The following ALMS1 variants were observed in gnomAD, a reference collection of about 807,000 sequenced individuals.
ALMS1 encodes ALMS1 centrosome and basal body associated protein, also known as centrosome-associated protein ALMS1.
Under a neutral mutation model 352.2 loss-of-function variants are expected in ALMS1, and 271 were observed. The ratio of observed to expected loss-of-function variants is 0.77; its 90% CI spans 0.70 to 0.85. The LOEUF (loss-of-function observed/expected upper bound fraction) is 0.85, where lower values mean the gene tolerates loss of function less well. Among genes scored for constraint, ALMS1 ranks in the 40% least tolerant of loss-of-function variants. The probability of loss-of-function intolerance (pLI) is 0.00; values close to 1 mark genes in which losing one functional copy is unlikely to be tolerated. For synonymous variants in ALMS1, 1,865 were observed against 1,761.2 expected (o/e 1.06, Z -1.48); for missense variants, 5,445 against 4,870.7 (o/e 1.12, Z -3.51).
At chr2:73,430,928 T>TA (rs1437575842) in intron 6 of ALMS1, among the ~76,000 whole-genome samples, 2 of 152,046 alleles carry the variant, frequency 1.3e-5, no homozygotes, top group Admixed American at 6.6e-5. Flanking sequence ...TATGTATATA[T>TA]GTGTATATAT....
At chr2:73,409,362 C>T (rs1671033053) in intron 2 of ALMS1, among the ~76,000 whole-genome samples, 1 of 151,996 alleles carries the variant, frequency 6.6e-6, no homozygotes, top group Non-Finnish European at 1.5e-5. Flanking sequence ...ATCCTCTTGC[C>T]TCGGCCTCCT....
rs1491137264 is a variant in ALMS1, at chr2:73,385,912, AGG to A, written c.45_46del (p.Glu16GlyfsTer110). 1.7e-6 allele frequency: 1 copy of A among 605,812 alleles called. No homozygotes were observed. Among genetic ancestry groups the A allele is most frequent in the African/African-American group, 2.2e-5 (1 of 44,666 alleles). 37.5% of individuals were successfully genotyped at this position (605,812 alleles called of 1,614,324 possible). A position where few individuals can be genotyped will look rare whatever the true frequency, so the allele number is the denominator to read the frequency against. ...CCATGGCCGGGCGAGCTGGAGGAGG[AGG>A]AGGAGGAGGAGGAGGAGGAGGAGGA... On this transcript the variant is annotated frameshift_variant, in exon 1 of 23. Coordinates refer to ENST00000613296, the MANE Select transcript of ALMS1 (RefSeq NM_001378454.1). LOFTEE classifies it high-confidence loss of function.
At chr2:73,457,296 A>G (rs1213444904) in intron 9 of ALMS1, 1 of 152,158 alleles carries the variant, frequency 6.6e-6, no homozygotes, top group African/African-American at 2.4e-5. Context: ...CAGTGGCATG[A>G]TCTTGGCTCA....
rs547582137 is a variant in ALMS1, at chr2:73,465,109, A to C, written c.7674+9814A>C. The stretch of plus-strand genomic sequence containing the variant: ...TGCCATCCCCATCAAGCTACCGGTG[A>C]CTTTCTTCACAGAATTGGAAGAAAC... On this transcript the variant is annotated intron_variant, in intron 9 of 22. Coordinates refer to ENST00000613296, the MANE Select transcript of ALMS1 (RefSeq NM_001378454.1). 2.2e-3 allele frequency among the ~76,000 whole-genome samples: 331 copies of C among 147,414 alleles called. 1 individual carries two copies. Among genetic ancestry groups the C allele is most frequent in the African/African-American group, 8.1e-3 (309 of 38,108 alleles).
chr2:73,414,473 G>GTTTTTTTTTTTTTTGTTTTTTTTTTT (rs1671141522), intron 2 of ALMS1, among the ~76,000 whole-genome samples: 1 of 66,416 alleles, frequency 1.5e-5, no homozygotes, highest in African/African-American at 4.3e-5. Context: ...CTTTTTTTCC[G>GTTTTTTTTTTTTTTGTTTTTTTTTTT]TTTTTTTTTT....
intron 13 of ALMS1, 42 bp downstream of exon 13, chr2:73,550,479 C>G: frequency 6.2e-7 from 1 of 1,604,214 alleles, no homozygotes; most frequent in South Asian, 1.1e-5. Context: ...TTTTTCTCCC[C>G]TTTTCATCCT....
chr2:73,448,471 T>C lies in ALMS1; in HGVS notation c.1944T>C (p.Val648=). The C allele has an allele frequency of 6.2e-7, 1 of 1,613,168 alleles. No individual in the cohort carries two copies. The highest frequency in any genetic ancestry group is 8.5e-7 in the Non-Finnish European group (1 of 1,179,792). The stretch of plus-strand genomic sequence containing the variant: ...ACTTAACCGAAGAGCCTTTGGAAGT[T>C]TCAGCTGCTCCTGGCCCAGTGGAGC... The part of the protein sequence containing the change: ...ESNLTEEPLE[V]SAAPGPVEQK... The change falls in exon 8 of 23, where the codon GTT becomes GTC. Residue 648 remains valine (V), a synonymous_variant. Transcript: ENST00000613296.
chr2:73,408,418 T>C (rs1671013113), intron 1 of ALMS1, among the ~76,000 whole-genome samples: 2 of 152,224 alleles, frequency 1.3e-5, no homozygotes, highest in African/African-American at 2.4e-5. Context: ...GTTAAGGAAC[T>C]GCTGTGGTTT....
intron 12 of ALMS1, among the ~76,000 whole-genome samples, chr2:73,543,928 T>G (rs1674251596): frequency 6.6e-6 from 1 of 152,178 alleles, no homozygotes; most frequent in South Asian, 2.1e-4. Flanking sequence ...GACTGTAAAC[T>G]AGTTCAACCA....
intron 9 of ALMS1, chr2:73,469,721 C>T (rs760621042): frequency 1.3e-5 from 2 of 151,592 alleles, no homozygotes; most frequent in African/African-American, 2.4e-5. Context: ...TATTTAGGGT[C>T]GAAGTGTCAA....
At chr2:73,435,886 C>T (rs1671595956) in intron 7 of ALMS1, among the ~76,000 whole-genome samples, 1 of 152,202 alleles carries the variant, frequency 6.6e-6, no homozygotes, top group South Asian at 2.1e-4. Flanking sequence ...GCCACCATGC[C>T]AGCCTGCTTT....
intron 3 of ALMS1, among the ~76,000 whole-genome samples, chr2:73,421,011 A>T (rs1671271541): frequency 6.6e-6 from 1 of 152,196 alleles, no homozygotes. Flanking sequence ...CAAGTAAAAT[A>T]CACCACCTTC....
chr2:73,608,603 T>A, intron 22 of ALMS1, 29 bp downstream of exon 22: 1 of 1,551,804 alleles, frequency 6.4e-7, no homozygotes, highest in Non-Finnish European at 8.9e-7. Context: ...TAGAGTGGGA[T>A]GGATCAGGTT....
intron 2 of ALMS1, among the ~76,000 whole-genome samples, chr2:73,412,592 C>G (rs1197812353): frequency 6.6e-6 from 1 of 152,034 alleles, no homozygotes; most frequent in East Asian, 1.9e-4. Flanking sequence ...GAGTTTGAGA[C>G]CAGCCTGGCC....
In ALMS1 at chr2:73,452,218, A is replaced by G; in HGVS notation, c.5691A>G (p.Ser1897=). The G allele has an allele frequency of 6.2e-7, 1 of 1,614,086 alleles. No homozygotes were observed. Among genetic ancestry groups the G allele is most frequent in the Non-Finnish European group, 8.5e-7 (1 of 1,180,000 alleles). ...AAATAGCATCCTCTAGTTCCTACTC[A>G]AATAGAGAGAAGGCCAGTATTTTTC... ...GIQIASSSSY[S]NREKASIFHQ... The change falls in exon 8 of 23, where the codon TCA becomes TCG. Residue 1897 remains serine (S), a synonymous_variant. Coordinates refer to ENST00000613296, the MANE Select transcript of ALMS1 (RefSeq NM_001378454.1).
chr2:73,539,472 C>T (rs1022591300), intron 12 of ALMS1, among the ~76,000 whole-genome samples: 1 of 152,148 alleles, frequency 6.6e-6, no homozygotes, highest in African/African-American at 2.4e-5. Flanking sequence ...GAGCGCCTCT[C>T]CTCCTCCAAA....
chr2:73,542,901 G>C (rs558763256), intron 12 of ALMS1, among the ~76,000 whole-genome samples: 59 of 152,154 alleles, frequency 3.9e-4, no homozygotes, highest in African/African-American at 1.3e-3. Flanking sequence ...CATGCTCATG[G>C]GTAGGAAGAA....
chr2:73,609,879 T>A lies in ALMS1; in HGVS notation c.*267T>A, dbSNP rs62149804. 0.15 allele frequency: 67,894 copies of A among 451,088 alleles called. 5,780 individuals carry two copies. The highest frequency in any genetic ancestry group is 0.18 in the Admixed American group (5,272 of 28,628). The allele number at this position is 451,088 out of a possible 1,614,324, so 27.9% of individuals were successfully genotyped here. A position where few individuals can be genotyped will look rare whatever the true frequency, so the allele number is the denominator to read the frequency against. On this transcript the variant is annotated 3_prime_UTR_variant, in exon 23 of 23. Coordinates refer to ENST00000613296, the MANE Select transcript of ALMS1 (RefSeq NM_001378454.1). Reference sequence around the variant, plus strand: ...TCAAGAATAAGTCCCTTTTTGTATGTGTTTTTATACTTTTAGAAAATAAAA... The same window carrying A: ...TCAAGAATAAGTCCCTTTTTGTATGAGTTTTTATACTTTTAGAAAATAAAA...
intron 10 of ALMS1, among the ~76,000 whole-genome samples, chr2:73,508,120 C>G (rs1673372037): frequency 6.7e-6 from 1 of 149,594 alleles, no homozygotes; most frequent in African/African-American, 2.5e-5. Flanking sequence ...TTTCTCTTTT[C>G]TTTTCCTTTC....
Sources: gnomAD v4.1 joint callset for allele counts (sites outside exome capture counted in the v4.1 genomes callset) on GRCh38, gnomAD v4.1.1 for gene constraint, MANE v1.5 for transcripts, NCBI Gene and HGNC (gene_info 2026-07-23, HGNC 2026-07-21) for gene names.